The following SYTL2 variants were observed in gnomAD, a reference collection of about 807,000 sequenced individuals.
The protein encoded by SYTL2 is synaptotagmin-like protein 2.
In SYTL2, 165 loss-of-function variants were observed where a neutral mutation model predicts 198.7. The observed-to-expected ratio is 0.83, with a 90% confidence interval of 0.73 to 0.94. SYTL2 has a LOEUF of 0.94. SYTL2 is among the 40% of genes least tolerant of loss of function. The probability of loss-of-function intolerance (pLI) is 0.00; values close to 1 mark genes in which losing one functional copy is unlikely to be tolerated. For missense variants in SYTL2, 2,835 were observed against 2,582.8 expected (o/e 1.10, Z -2.12); for synonymous variants, 966 against 917.7 (o/e 1.05, Z -0.95).
the SYTL2 span, among the ~76,000 whole-genome samples, chr11:85,819,780 T>C: frequency 1.3e-5 from 2 of 152,250 alleles, no homozygotes; most frequent in African/African-American, 4.8e-5. Flanking sequence ...TCTCTCATGC[T>C]CTAACATAAA....
At chr11:85,755,225 G>A (rs1165975465) in intron 2 of SYTL2, among the ~76,000 whole-genome samples, 1 of 152,106 alleles carries the variant, frequency 6.6e-6, no homozygotes, top group Non-Finnish European at 1.5e-5. Context: ...CAAAGAGGGG[G>A]TCAGGCTATG....
At chr11:85,730,816 A>C (rs1376547856) in intron 7 of SYTL2, among the ~76,000 whole-genome samples, 1 of 152,192 alleles carries the variant, frequency 6.6e-6, no homozygotes, top group African/African-American at 2.4e-5. Context: ...CTCTTTTTGC[A>C]GATGACATGA....
At chr11:85,778,436 C>T (rs2092497486) in intron 1 of SYTL2, among the ~76,000 whole-genome samples, 1 of 152,234 alleles carries the variant, frequency 6.6e-6, no homozygotes, top group South Asian at 2.1e-4. Flanking sequence ...TTTTCCATCA[C>T]AACAGTACCC....
At position 85,736,602 on chromosome 11, in the gene SYTL2, G is replaced by C. The variant is rs778208145; in HGVS notation, c.485C>G (p.Pro162Arg). 2 of 1,568,000 alleles carry C rather than the reference G, an allele frequency of 1.3e-6. No individual in the cohort carries two copies. The highest frequency in any genetic ancestry group is 1.8e-6 in the Non-Finnish European group (2 of 1,141,448). ...NVSPEKQRKN[P>R]FNSSKLPEGH... is the part of the protein sequence containing the mutation. ...TTCTGGCAACTTGGAGCTATTAAACGGATTCTTCCTCTGCTGGGGACAAAT... is the reference window on the plus strand; with the variant it reads ...TTCTGGCAACTTGGAGCTATTAAACCGATTCTTCCTCTGCTGGGGACAAAT... The change falls in exon 6 of 20, where the codon CCG becomes CGG. Residue 162 changes from proline (P) to arginine (R), a missense_variant. Physicochemically the swap from Pro to Arg is moderately radical, Grantham distance 103. Coordinates refer to ENST00000359152, the MANE Select transcript of SYTL2 (RefSeq NM_206927.4).
rs201636375 is a variant in SYTL2, at chr11:85,707,545, T to C, written c.5916-14A>G. Reference sequence around the variant, plus strand: ...GCCTTTACATATCTGAAAAGGAGAATTGAACAGACAAAGTCAAAGAAAATA... The same window carrying C: ...GCCTTTACATATCTGAAAAGGAGAACTGAACAGACAAAGTCAAAGAAAATA... On this transcript the variant is annotated splice_polypyrimidine_tract_variant and intron_variant, in intron 14 of 19. Transcript: ENST00000359152. 1.6e-4 allele frequency: 237 copies of C among 1,478,864 alleles called. 1 individual carries two copies. Among genetic ancestry groups the C allele is most frequent in the South Asian group, 8.5e-4 (74 of 86,720 alleles). The allele number at this position is 1,478,864 out of a possible 1,614,324, so 91.6% of individuals were successfully genotyped here.
intron 2 of SYTL2, among the ~76,000 whole-genome samples, chr11:85,752,134 T>C (rs938408376): frequency 1.3e-5 from 2 of 152,200 alleles, no homozygotes; most frequent in South Asian, 4.1e-4. Flanking sequence ...GAACATCACC[T>C]GCAGGACCTG....
intron 15 of SYTL2, chr11:85,705,319 C>A: frequency 4.3e-6 from 1 of 234,858 alleles, no homozygotes; most frequent in East Asian, 8.7e-5. Flanking sequence ...TCAATTTTCG[C>A]TGAATATTTT....
rs371522562 is a variant in SYTL2 at position 85,727,872 on chromosome 11, G to A, written c.1486C>T (p.Leu496=). The change falls in exon 8 of 20, where the codon CTA becomes TTA. Residue 496 remains leucine, a synonymous_variant. Transcript: ENST00000359152. ...QQGKPPPLPA[L]KAKTSSRSGP... ...GAACGTGAAGATGTCTTAGCTTTTA[G>A]AGCCGGGAGAGGAGGGGGCTTACCT... The A allele has an allele frequency of 7.4e-6, 12 of 1,613,258 alleles. No individual in the cohort carries two copies. The highest frequency in any genetic ancestry group is 1.3e-5 in the African/African-American group (1 of 74,950).
At chr11:85,730,437 A>G (rs11827081) in intron 7 of SYTL2, among the ~76,000 whole-genome samples, 8,606 of 152,250 alleles carry the variant, frequency 0.057, 801 homozygotes, top group African/African-American at 0.19. Flanking sequence ...GGCTGGTGCA[A>G]CATATGCAAA....
At chr11:85,767,794 A>C (rs530358862) in intron 1 of SYTL2, among the ~76,000 whole-genome samples, 3 of 152,256 alleles carry the variant, frequency 2.0e-5, no homozygotes, top group East Asian at 1.9e-4. Context: ...ACTCCCACCT[A>C]GGATATTTTT....
chr11:85,723,067 A>G (rs1384437391), intron 8 of SYTL2, among the ~76,000 whole-genome samples: 2 of 152,232 alleles, frequency 1.3e-5, no homozygotes, highest in Non-Finnish European at 2.9e-5. Context: ...CAGCCAAAAA[A>G]CATTCTCTAT....
In SYTL2 at chr11:85,736,412, A is replaced by C; in HGVS notation, c.586+89T>G. 1.2e-5 allele frequency: 8 copies of C among 675,828 alleles called. No individual in the cohort carries two copies. In the South Asian group the frequency reaches 1.7e-4, roughly 14 times the overall value. 41.9% of individuals were successfully genotyped at this position (675,828 alleles called of 1,614,324 possible). A position where few individuals can be genotyped will look rare whatever the true frequency, so the allele number is the denominator to read the frequency against. On this transcript the variant is annotated intron_variant, in intron 6 of 19. Coordinates refer to ENST00000359152, the MANE Select transcript of SYTL2 (RefSeq NM_206927.4). ...TCAGGACTTTTCACTTTCTCTTGGA[A>C]GTTATTTGAGCAAAAGGAACTCTGA...
At chr11:85,734,992 T>C (rs558377) in intron 6 of SYTL2, among the ~76,000 whole-genome samples, 113,115 of 152,048 alleles carry the variant, frequency 0.74, 42,512 homozygotes, top group African/African-American at 0.85. Context: ...TACTTTTGTC[T>C]AAACCCATAG....
chr11:85,735,215 A>G (rs1156337682), intron 6 of SYTL2, among the ~76,000 whole-genome samples: 1 of 152,234 alleles, frequency 6.6e-6, no homozygotes, highest in Non-Finnish European at 1.5e-5. Flanking sequence ...CTAAAAAATA[A>G]CGTCTATTCG....
intron 1 of SYTL2, among the ~76,000 whole-genome samples, chr11:85,784,902 C>T (rs933828428): frequency 6.6e-5 from 10 of 152,052 alleles, no homozygotes; most frequent in African/African-American, 2.4e-4. Context: ...AAACTGATTT[C>T]TTTCATCCTC....
chr11:85,806,082 T>C (rs1177759762), intron 1 of SYTL2, among the ~76,000 whole-genome samples: 5 of 152,230 alleles, frequency 3.3e-5, no homozygotes, highest in African/African-American at 9.6e-5. Flanking sequence ...GCAGAGTGAT[T>C]CATTCATTCT....
intron 1 of SYTL2, among the ~76,000 whole-genome samples, chr11:85,765,937 G>A (rs2092227541): frequency 1.3e-5 from 2 of 152,278 alleles, no homozygotes; most frequent in Middle Eastern, 3.4e-3. Flanking sequence ...GCTATGTGAG[G>A]AGACAGCATC....
the SYTL2 span, among the ~76,000 whole-genome samples, chr11:85,836,518 T>A: frequency 1.3e-5 from 2 of 151,994 alleles, no homozygotes; most frequent in Admixed American, 1.3e-4. Context: ...TTAAGAATAA[T>A]GGTAATCAAC....
At chr11:85,772,818 C>T (rs988203962) in intron 1 of SYTL2, among the ~76,000 whole-genome samples, 1 of 152,210 alleles carries the variant, frequency 6.6e-6, no homozygotes, top group Non-Finnish European at 1.5e-5. Context: ...ACAGCTGGAG[C>T]TAACCTTAGG....
Sources: allele counts gnomAD v4.1 joint callset (sites outside exome capture counted in the v4.1 genomes callset), GRCh38; gene constraint gnomAD v4.1.1; transcripts MANE v1.5; gene names NCBI Gene and HGNC (gene_info 2026-07-23, HGNC 2026-07-21).